Variants in PTGER4 observed in about 807,000 individuals in gnomAD.
PTGER4 encodes the protein prostaglandin E2 receptor EP4 subtype.
PTGER4 carries 11 observed loss-of-function variants against 33.2 expected under a neutral mutation model. The ratio of observed to expected loss-of-function variants is 0.33; its 90% CI spans 0.21 to 0.55. The LOEUF is 0.55. PTGER4 is among the 20% of genes least tolerant of loss of function. The probability of loss-of-function intolerance (pLI) is 0.92; values close to 1 mark genes in which losing one functional copy is unlikely to be tolerated. For missense variants in PTGER4, 481 were observed against 650.2 expected (o/e 0.74, Z 2.83); for synonymous variants, 275 against 281.5 (o/e 0.98, Z 0.23).
chr5:40,728,281 CAAA>C, the PTGER4 span: 1 of 315,622 alleles, frequency 3.2e-6, no homozygotes, highest in African/African-American at 4.1e-5. Flanking sequence ...GACTCCATCT[CAAA>C]AAAAAAAAAA....
chr5:40,724,569 G>T, the PTGER4 span, among the ~76,000 whole-genome samples: 1 of 151,366 alleles, frequency 6.6e-6, no homozygotes, highest in Non-Finnish European at 1.5e-5. Flanking sequence ...GGAGGTGGAG[G>T]TTGAAGTGAG....
At chr5:40,716,818 C>T in the PTGER4 span, among the ~76,000 whole-genome samples, 1 of 152,220 alleles carries the variant, frequency 6.6e-6, no homozygotes, top group Non-Finnish European at 1.5e-5. Flanking sequence ...TTGGGGATTT[C>T]CTGGGCTAAC....
At chr5:40,707,014 G>A in the PTGER4 span, among the ~76,000 whole-genome samples, 2 of 152,006 alleles carry the variant, frequency 1.3e-5, no homozygotes, top group Admixed American at 6.6e-5. Context: ...TGCCCTACAA[G>A]AGCTCCTGAA....
At chr5:40,707,228 G>A in the PTGER4 span, among the ~76,000 whole-genome samples, 33 of 152,126 alleles carry the variant, frequency 2.2e-4, no homozygotes, top group African/African-American at 6.0e-4. Flanking sequence ...AAAAGACACC[G>A]GACTGGCAAA....
At position 40,692,700 on chromosome 5, in the gene PTGER4, G is replaced by A. The variant is rs1045004726; in HGVS notation, c.*322G>A. On this transcript the variant is annotated 3_prime_UTR_variant, in exon 3 of 3. Transcript: ENST00000302472. ...CTGCTGTCATAACATCCAGAGCTTT[G>A]TCGTATTTGGCACACAGCAGAGGCC... The A allele has an allele frequency of 9.4e-7, 1 of 1,064,734 alleles. No individual in the cohort carries two copies. The allele number at this position is 1,064,734 out of a possible 1,614,324, so 66.0% of individuals were successfully genotyped here.
chr5:40,706,004 T>C, the PTGER4 span, among the ~76,000 whole-genome samples: 1 of 152,284 alleles, frequency 6.6e-6, no homozygotes, highest in Admixed American at 6.5e-5. Flanking sequence ...TATAAAGCAT[T>C]CTACCATAAA....
chr5:40,700,879 A>C, the PTGER4 span, among the ~76,000 whole-genome samples: 1 of 152,156 alleles, frequency 6.6e-6, no homozygotes. Context: ...AATAAGCCTA[A>C]GTGTCACCTG....
chr5:40,688,775 T>A (rs892453570), intron 2 of PTGER4, among the ~76,000 whole-genome samples: 4 of 152,232 alleles, frequency 2.6e-5, no homozygotes, highest in Non-Finnish European at 5.9e-5. Flanking sequence ...TTTTTTTAAA[T>A]CAAGTATGCT....
chr5:40,689,477 T>C (rs550720756), intron 2 of PTGER4, among the ~76,000 whole-genome samples: 1 of 152,318 alleles, frequency 6.6e-6, no homozygotes, highest in South Asian at 2.1e-4. Context: ...AAAATAATTC[T>C]TCCTTCTTTT....
chr5:40,739,164 A>G, the PTGER4 span, among the ~76,000 whole-genome samples: 1 of 152,350 alleles, frequency 6.6e-6, no homozygotes, highest in Non-Finnish European at 1.5e-5. Flanking sequence ...AAACACAGTT[A>G]AGGACTTAAA....
chr5:40,680,642 A>G lies in PTGER4; in HGVS notation c.-44+164A>G, dbSNP rs1366582286. On this transcript the variant is annotated intron_variant, in intron 1 of 2. Transcript: ENST00000302472. The surrounding 1 kb of genome is among the most constrained non-coding windows in gnomAD (Gnocchi z 5.5). Reference sequence around the variant, plus strand: ...TTCAGAATCTATCGAGAATAGCACTAGCGAGCTACTTTTCCCTTGAGATGG... The same window carrying G: ...TTCAGAATCTATCGAGAATAGCACTGGCGAGCTACTTTTCCCTTGAGATGG... Among the ~76,000 whole-genome samples, 2 of 152,270 alleles carry G rather than the reference A, an allele frequency of 1.3e-5. No homozygotes were observed. The highest frequency in any genetic ancestry group is 2.9e-5 in the Non-Finnish European group (2 of 68,044).
At chr5:40,688,227 G>A (rs1211054858) in intron 2 of PTGER4, among the ~76,000 whole-genome samples, 8 of 152,102 alleles carry the variant, frequency 5.3e-5, no homozygotes, top group Admixed American at 3.9e-4. Context: ...AGAAACGTCA[G>A]GTTCAGACTT....
At chr5:40,738,497 T>TAA in the PTGER4 span, among the ~76,000 whole-genome samples, 74 of 131,350 alleles carry the variant, frequency 5.6e-4, no homozygotes, top group Non-Finnish European at 9.2e-4. Flanking sequence ...TACAATACAA[T>TAA]ACAATACAAT....
At position 40,683,465 on chromosome 5, in the gene PTGER4, G is replaced by A. The variant is rs11957406; in HGVS notation, c.867+1605G>A. On this transcript the variant is annotated intron_variant, in intron 2 of 2. Transcript: ENST00000302472. This position sits in a 1 kb window ranked among gnomAD's most constrained non-coding sequence, Gnocchi z 4.2. Reference sequence around the variant, plus strand: ...CCTAGAATAAAGTGAGATTTTGGAAGAAACAACACTGCTCCTGATGGGGCC... The same window carrying A: ...CCTAGAATAAAGTGAGATTTTGGAAAAAACAACACTGCTCCTGATGGGGCC... Among the ~76,000 whole-genome samples the A allele has an allele frequency of 0.45, 68,942 of 152,074 alleles. 16,698 individuals carry two copies. Among genetic ancestry groups the A allele is most frequent in the Admixed American group, 0.54 (8,207 of 15,282 alleles).
At chr5:40,694,662 C>T (rs45495593), downstream of PTGER4, among the ~76,000 whole-genome samples, 1,588 of 151,860 alleles carry the variant, frequency 0.01, 22 homozygotes, top group African/African-American at 0.033. Context: ...ATTAGGGCCC[C>T]ACCCTTATGA....
At chr5:40,715,955 A>G in the PTGER4 span, 1 of 471,544 alleles carries the variant, frequency 2.1e-6, no homozygotes, top group Non-Finnish European at 3.7e-6. Context: ...AGAAATATAA[A>G]TCATAACTTA....
intron 2 of PTGER4, among the ~76,000 whole-genome samples, chr5:40,682,230 C>A (rs909912187): frequency 1.3e-5 from 2 of 152,030 alleles, no homozygotes; most frequent in Non-Finnish European, 2.9e-5. Flanking sequence ...GCCCATTCCT[C>A]CGTACTGTGA....
the PTGER4 span, among the ~76,000 whole-genome samples, chr5:40,733,763 A>C: frequency 2.6e-5 from 4 of 152,182 alleles, no homozygotes; most frequent in African/African-American, 9.6e-5. Flanking sequence ...TCCCGTCCCC[A>C]ACCCCACAAA....
At chr5:40,687,982 C>T (rs1289568538) in intron 2 of PTGER4, among the ~76,000 whole-genome samples, 5 of 152,164 alleles carry the variant, frequency 3.3e-5, no homozygotes. Context: ...TCTTTCCTTG[C>T]CTCTCATCAC....
Sources: allele counts gnomAD v4.1 joint callset (sites outside exome capture counted in the v4.1 genomes callset), GRCh38; gene constraint gnomAD v4.1.1; non-coding constraint Gnocchi (gnomAD v3.1); transcripts MANE v1.5; gene names NCBI Gene and HGNC (gene_info 2026-07-23, HGNC 2026-07-21).